The following LTBP1 variants were observed in gnomAD, a reference collection of about 807,000 sequenced individuals.
LTBP1 encodes the protein latent transforming growth factor beta binding protein 1.
In LTBP1, 129 loss-of-function variants were observed where a neutral mutation model predicts 207.6. The observed-to-expected ratio is 0.62, with a 90% CI of 0.54 to 0.72. The LOEUF is 0.72. LTBP1 is among the 30% of genes least tolerant of loss of function. The probability of loss-of-function intolerance (pLI) is 0.00; values close to 1 mark genes in which losing one functional copy is unlikely to be tolerated. For missense variants in LTBP1, 2,281 were observed against 2,217.2 expected, an observed-to-expected ratio of 1.03 and a Z score of -0.58; for synonymous variants, 963 against 833.7, an observed-to-expected ratio of 1.16 and a Z score of -2.67.
chr2:33,077,380 A>G (rs2078139244), intron 3 of LTBP1, among the ~76,000 whole-genome samples: 4 of 152,204 alleles, frequency 2.6e-5, no homozygotes, highest in Admixed American at 2.6e-4. Flanking sequence ...CAAAGAAAAG[A>G]TATTTAATTG....
intron 2 of LTBP1, among the ~76,000 whole-genome samples, chr2:32,950,904 A>G (rs1677006314): frequency 6.6e-6 from 1 of 152,200 alleles, no homozygotes; most frequent in South Asian, 2.1e-4. Flanking sequence ...AAGATGTTCT[A>G]GAAGATCCCA....
intron 5 of LTBP1, among the ~76,000 whole-genome samples, chr2:33,179,617 A>G (rs1227468577): frequency 6.6e-6 from 1 of 151,300 alleles, no homozygotes; most frequent in African/African-American, 2.5e-5. Flanking sequence ...GTACCTTCAT[A>G]ATGATTATAT....
At chr2:33,257,588 C>T (rs1014428017) in intron 12 of LTBP1, 77 bp downstream of exon 12, 1 of 1,228,370 alleles carries the variant, frequency 8.1e-7, no homozygotes, top group Non-Finnish European at 1.2e-6. Context: ...TTATAACCCT[C>T]TAGAACAGAG....
chr2:33,102,290 G>A (rs56249373), intron 3 of LTBP1, among the ~76,000 whole-genome samples: 15,574 of 152,168 alleles, frequency 0.1, 909 homozygotes, highest in African/African-American at 0.13. Flanking sequence ...GTGGGGGGCT[G>A]TTCTGTGCAT....
chr2:33,196,175 T>C (rs1402484475), intron 7 of LTBP1, among the ~76,000 whole-genome samples: 4 of 152,100 alleles, frequency 2.6e-5, no homozygotes, highest in African/African-American at 4.8e-5. Context: ...CCACAACATA[T>C]CTGAGATATT....
chr2:33,262,854 G>C (rs1037571678), intron 14 of LTBP1, 33 bp downstream of exon 14: 1 of 1,472,920 alleles, frequency 6.8e-7, no homozygotes, highest in Non-Finnish European at 9.3e-7. Flanking sequence ...GTTTGTCAGA[G>C]TATTCTGAAT....
intron 2 of LTBP1, among the ~76,000 whole-genome samples, chr2:33,019,966 G>C (rs1459789689): frequency 2.8e-5 from 4 of 145,194 alleles, no homozygotes; most frequent in Admixed American, 2.8e-4. Context: ...CTCCCACCAT[G>C]ACCTCCTAAA....
chr2:33,063,911 T>G (rs1419958072), intron 3 of LTBP1, among the ~76,000 whole-genome samples: 2 of 151,702 alleles, frequency 1.3e-5, no homozygotes, highest in East Asian at 3.9e-4. Context: ...TAGAGTGCAA[T>G]GGCATGACCT....
chr2:33,011,943 C>A (rs1687728507), intron 2 of LTBP1, among the ~76,000 whole-genome samples: 1 of 152,086 alleles, frequency 6.6e-6, no homozygotes, highest in South Asian at 2.1e-4. Flanking sequence ...TCTCCGATTT[C>A]AGGTCTCCTG....
chr2:33,334,767 T>G (rs1315591937), intron 24 of LTBP1, among the ~76,000 whole-genome samples: 2 of 152,050 alleles, frequency 1.3e-5, no homozygotes, highest in African/African-American at 4.8e-5. Context: ...GTCTGGGTAA[T>G]TTTTACAGAA....
chr2:33,300,618 AC>A (rs1558973248), intron 21 of LTBP1, 45 bp downstream of exon 21: 1 of 1,582,550 alleles, frequency 6.3e-7, no homozygotes, highest in Non-Finnish European at 8.6e-7. Flanking sequence ...AGCTTAAAGC[AC>A]CTGGTCTGAA....
rs962977372 is a variant in LTBP1 at position 33,252,816 on chromosome 2, C to G, written c.2139C>G (p.His713Gln). The G allele has an allele frequency of 2.5e-6, 4 of 1,610,284 alleles. No individual in the cohort carries two copies. Among genetic ancestry groups the G allele is most frequent in the Non-Finnish European group, 3.4e-6 (4 of 1,177,570 alleles). Residue 713 changes from histidine (H) to glutamine (Q), a missense_variant, in exon 11 of 34, where the codon CAC becomes CAG. Transcript: ENST00000404816. ...GTGTGGGCAAGGCCTGGGGCCCACA[C>G]TGTGAGAAATGTCCCCTTCCAGGCA... Reference protein sequence around the residue: ...CCSVGKAWGPHCEKCPLPGTA... With the variant: ...CCSVGKAWGPQCEKCPLPGTA...
intron 3 of LTBP1, among the ~76,000 whole-genome samples, chr2:33,084,182 T>A (rs1452105184): frequency 6.6e-6 from 1 of 152,262 alleles, no homozygotes; most frequent in East Asian, 1.9e-4. Flanking sequence ...GGAAAGTTTC[T>A]TGCTGAAACT....
intron 3 of LTBP1, among the ~76,000 whole-genome samples, chr2:33,090,692 T>G (rs527373498): frequency 7.7e-4 from 118 of 152,282 alleles, no homozygotes; most frequent in African/African-American, 2.8e-3. Context: ...TGATCTTTGC[T>G]GTCTTCAAAG....
chr2:33,334,861 G>A (rs558417588), intron 24 of LTBP1, among the ~76,000 whole-genome samples: 141 of 151,250 alleles, frequency 9.3e-4, no homozygotes, highest in Non-Finnish European at 3.1e-4. Context: ...TTGAGCCGAG[G>A]AGTTTGAGAT....
intron 2 of LTBP1, among the ~76,000 whole-genome samples, chr2:32,966,758 T>C (rs72789882): frequency 0.11 from 16,472 of 152,168 alleles, 1,127 homozygotes; most frequent in Non-Finnish European, 0.16. Context: ...TTTTTATTCA[T>C]TGTTGCATTC....
intron 3 of LTBP1, among the ~76,000 whole-genome samples, chr2:33,031,631 T>C (rs2075695499): frequency 6.6e-6 from 1 of 151,564 alleles, no homozygotes; most frequent in African/African-American, 2.4e-5. Flanking sequence ...TTGACCAGAG[T>C]TGGAAGGACT....
At chr2:33,372,594 C>A (rs2095082665) in intron 31 of LTBP1, among the ~76,000 whole-genome samples, 1 of 152,080 alleles carries the variant, frequency 6.6e-6, no homozygotes, top group Non-Finnish European at 1.5e-5. Flanking sequence ...AGCTTAATCA[C>A]CGGGTGTGGT....
chr2:33,231,846 CACTT>C (rs2091809514), intron 9 of LTBP1, among the ~76,000 whole-genome samples: 2 of 152,188 alleles, frequency 1.3e-5, no homozygotes, highest in South Asian at 2.1e-4. Flanking sequence ...GCTGGGAAAA[CACTT>C]ACTGGATTTG....
Sources: allele counts gnomAD v4.1 joint callset (sites outside exome capture counted in the v4.1 genomes callset), GRCh38; gene constraint gnomAD v4.1.1; transcripts MANE v1.5; gene names NCBI Gene and HGNC (gene_info 2026-07-23, HGNC 2026-07-21).